The following EEPD1 variants were observed in gnomAD, a reference collection of about 807,000 sequenced individuals.
EEPD1 encodes the protein endonuclease/exonuclease/phosphatase family domain-containing protein 1.
A neutral mutation model predicts 46.3 loss-of-function variants in EEPD1; 17 were observed. The ratio of observed to expected loss-of-function variants is 0.37; its 90% CI spans 0.25 to 0.55. EEPD1 has a LOEUF of 0.55. Among genes scored for constraint, EEPD1 ranks in the 20% least tolerant of loss-of-function variants. EEPD1 has a pLI of 0.83. For missense variants in EEPD1, 673 were observed against 745.6 expected, an observed-to-expected ratio of 0.90 and a Z score of 1.13; for synonymous variants, 313 against 315.6, an observed-to-expected ratio of 0.99 and a Z score of 0.09.
At chr7:36,201,201 G>T (rs1355924288) in intron 2 of EEPD1, among the ~76,000 whole-genome samples, 3 of 152,132 alleles carry the variant, frequency 2.0e-5, no homozygotes, top group African/African-American at 2.4e-5. Flanking sequence ...CCCCAGATTG[G>T]AGGAGACAAG....
intron 2 of EEPD1, among the ~76,000 whole-genome samples, chr7:36,160,676 T>TGGGGGGGGGGGGG (rs150571892): frequency 5.5e-5 from 2 of 36,486 alleles, no homozygotes; most frequent in African/African-American, 1.0e-4. Flanking sequence ...TGGGAGGTGG[T>TGGGGGGGGGGGGG]GGGGGGCGGG....
chr7:36,193,214 G>C lies in EEPD1; in HGVS notation c.878+38012G>C, dbSNP rs1031448869. 1.3e-5 allele frequency among the ~76,000 whole-genome samples: 2 copies of C among 152,194 alleles called. No homozygotes were observed. Among genetic ancestry groups the C allele is most frequent in the African/African-American group, 4.8e-5 (2 of 41,446 alleles). ...TTGGGGTGAGTGGGATGGCAGGGAA[G>C]GGTCCCAGAAGAACTGATGAGGAAT... On this transcript the variant is annotated intron_variant, in intron 2 of 7. Coordinates refer to ENST00000242108, the MANE Select transcript of EEPD1 (RefSeq NM_030636.3). This position sits in a 1 kb window ranked among gnomAD's most constrained non-coding sequence, Gnocchi z 4.9.
chr7:36,292,493 T>TTCTC (rs1787462610), intron 6 of EEPD1, among the ~76,000 whole-genome samples: 1 of 150,782 alleles, frequency 6.6e-6, no homozygotes. Context: ...TTCTCTCTCT[T>TTCTC]TTTCTCTTTC....
At chr7:36,155,876 A>G (rs1416318531) in intron 2 of EEPD1, among the ~76,000 whole-genome samples, 1 of 152,214 alleles carries the variant, frequency 6.6e-6, no homozygotes, top group Non-Finnish European at 1.5e-5. Flanking sequence ...AGAGTCCAGT[A>G]GGATAGGCCG....
intron 2 of EEPD1, among the ~76,000 whole-genome samples, chr7:36,164,638 C>T (rs915486716): frequency 6.6e-6 from 1 of 152,194 alleles, no homozygotes; most frequent in Non-Finnish European, 1.5e-5. Context: ...TACTGACCTA[C>T]CATTCTTTCC....
chr7:36,284,857 T>C (rs1787320180), intron 5 of EEPD1, 37 bp downstream of exon 5: 6 of 1,436,104 alleles, frequency 4.2e-6, no homozygotes, highest in Non-Finnish European at 5.5e-6. Flanking sequence ...TGGAATCTGC[T>C]TCTTTCTAAA....
At chr7:36,285,123 T>A (rs533802231) in intron 5 of EEPD1, among the ~76,000 whole-genome samples, 1 of 152,178 alleles carries the variant, frequency 6.6e-6, no homozygotes, top group African/African-American at 2.4e-5. Context: ...CTGGGGAGAT[T>A]TTCCTACAGT....
At chr7:36,243,983 C>T (rs1384450790) in intron 3 of EEPD1, among the ~76,000 whole-genome samples, 1 of 148,964 alleles carries the variant, frequency 6.7e-6, no homozygotes, top group Non-Finnish European at 1.5e-5. Context: ...ACCAGCATGG[C>T]ACATGTATAC....
chr7:36,169,085 T>C (rs765328400), intron 2 of EEPD1, among the ~76,000 whole-genome samples: 5 of 152,232 alleles, frequency 3.3e-5, no homozygotes, highest in Admixed American at 1.3e-4. Context: ...TTCCACTATA[T>C]AGATGTACCA....
At chr7:36,220,721 T>C (rs1005580620) in intron 2 of EEPD1, among the ~76,000 whole-genome samples, 1 of 152,228 alleles carries the variant, frequency 6.6e-6, no homozygotes, top group African/African-American at 2.4e-5. Context: ...TCAGATGGTA[T>C]TGAAAAATGC....
chr7:36,297,322 T>G, intron 7 of EEPD1, 135 bp downstream of exon 7: 1 of 1,002,100 alleles, frequency 1.0e-6, no homozygotes, highest in Non-Finnish European at 1.4e-6. Flanking sequence ...TAACTGTCAT[T>G]TAATCAGAGA....
chr7:36,179,109 A>G (rs1785231053), intron 2 of EEPD1, among the ~76,000 whole-genome samples: 1 of 152,210 alleles, frequency 6.6e-6, no homozygotes, highest in Admixed American at 6.5e-5. Flanking sequence ...TATTTTTCCA[A>G]ACATGTATTT....
At chr7:36,236,755 A>G (rs1260838455) in intron 2 of EEPD1, among the ~76,000 whole-genome samples, 4 of 152,100 alleles carry the variant, frequency 2.6e-5, no homozygotes, top group African/African-American at 7.2e-5. Flanking sequence ...ACCAATCAGC[A>G]CTCTGTGTCT....
At chr7:36,274,623 T>C (rs1787158213) in intron 3 of EEPD1, among the ~76,000 whole-genome samples, 1 of 152,206 alleles carries the variant, frequency 6.6e-6, no homozygotes, top group Admixed American at 6.5e-5. Flanking sequence ...ATGTGTGCCG[T>C]GGTGATTTGC....
chr7:36,237,576 C>A (rs143375486), intron 2 of EEPD1, among the ~76,000 whole-genome samples: 7 of 152,300 alleles, frequency 4.6e-5, no homozygotes, highest in African/African-American at 1.7e-4. Flanking sequence ...AAAGAGGGTT[C>A]TTGGACCTTG....
intron 2 of EEPD1, among the ~76,000 whole-genome samples, chr7:36,172,375 G>A (rs1486373881): frequency 6.6e-6 from 1 of 152,186 alleles, no homozygotes; most frequent in Non-Finnish European, 1.5e-5. Flanking sequence ...CAAGAGGACT[G>A]GGTTCGAGAA....
chr7:36,217,193 T>A (rs531292307), intron 2 of EEPD1, among the ~76,000 whole-genome samples: 5 of 152,402 alleles, frequency 3.3e-5, no homozygotes, highest in African/African-American at 1.2e-4. Flanking sequence ...CCCATATTTA[T>A]GGTTATTTCT....
At chr7:36,203,043 A>G (rs1438375723) in intron 2 of EEPD1, among the ~76,000 whole-genome samples, 1 of 152,152 alleles carries the variant, frequency 6.6e-6, no homozygotes, top group African/African-American at 2.4e-5. Context: ...GCTGGTGGCC[A>G]CTCTTGACAT....
intron 2 of EEPD1, among the ~76,000 whole-genome samples, chr7:36,233,365 C>T (rs4723497): frequency 0.46 from 70,573 of 152,180 alleles, 16,687 homozygotes; most frequent in Non-Finnish European, 0.51. Context: ...AAGGAGAAAC[C>T]GAGGCATGGC....
Sources: gnomAD v4.1 joint callset for allele counts (sites outside exome capture counted in the v4.1 genomes callset) on GRCh38, gnomAD v4.1.1 for gene constraint, Gnocchi (gnomAD v3.1) non-coding constraint, MANE v1.5 for transcripts, NCBI Gene and HGNC (gene_info 2026-07-23, HGNC 2026-07-21) for gene names.